The following POLB variants were observed in gnomAD, a reference collection of about 807,000 sequenced individuals.
POLB encodes 5'-dRP lyase.
A neutral mutation model predicts 52.7 loss-of-function variants in POLB; 37 were observed. That is an observed-to-expected ratio of 0.70 (90% CI 0.54 to 0.92). The LOEUF is 0.92. POLB is among the 40% of genes least tolerant of loss of function. The pLI is 0.00. For synonymous variants in POLB, 138 were observed against 131.3 expected, an observed-to-expected ratio of 1.05 and a Z score of -0.35; for missense variants, 313 against 400.8, an observed-to-expected ratio of 0.78 and a Z score of 1.87.
chr8:42,365,253 G>A (rs1823968438), intron 11 of POLB, among the ~76,000 whole-genome samples: 2 of 152,084 alleles, frequency 1.3e-5, no homozygotes, highest in Non-Finnish European at 2.9e-5. Flanking sequence ...GCTTCCAAAC[G>A]AACTTTGGAA....
At chr8:42,355,884 G>A (rs1333540635) in intron 7 of POLB, among the ~76,000 whole-genome samples, 1 of 152,164 alleles carries the variant, frequency 6.6e-6, no homozygotes, top group Non-Finnish European at 1.5e-5. Flanking sequence ...ATTGTACAAA[G>A]CACTACACTA....
intron 9 of POLB, among the ~76,000 whole-genome samples, chr8:42,359,723 G>A (rs886617225): frequency 8.0e-5 from 12 of 150,786 alleles, no homozygotes; most frequent in African/African-American, 2.9e-4. Flanking sequence ...TACTTCATTT[G>A]TTTATCCAGT....
At chr8:42,339,421 G>C (rs1822053178) in intron 2 of POLB, 2 of 285,854 alleles carry the variant, frequency 7.0e-6, no homozygotes. Flanking sequence ...TTTTTCTTTT[G>C]GTTGGTCTAA....
rs564359999 is a variant in POLB, at chr8:42,338,528, C to G, written c.-97C>G. The G allele has an allele frequency of 1.5e-5, 17 of 1,118,414 alleles. No homozygotes were observed. The Admixed American group carries it at 1.6e-4, about 10-fold the overall frequency. The allele number at this position is 1,118,414 out of a possible 1,614,324, so 69.3% of individuals were successfully genotyped here. On this transcript the variant is annotated 5_prime_UTR_variant, in exon 1 of 14. Coordinates refer to ENST00000265421, the MANE Select transcript of POLB (RefSeq NM_002690.3). ...CCGGTCGCGCCGGAGCTGGGTTGCTCCTGCTCCCGTCTCCAAGTCCTGGTA... is the reference window on the plus strand; with the variant it reads ...CCGGTCGCGCCGGAGCTGGGTTGCTGCTGCTCCCGTCTCCAAGTCCTGGTA...
intron 6 of POLB, 53 bp downstream of exon 6, chr8:42,352,621 C>A: frequency 2.0e-6 from 2 of 1,025,116 alleles, no homozygotes; most frequent in South Asian, 1.3e-5. Flanking sequence ...CCTGAAGGAC[C>A]ATTAGTGCTC....
chr8:42,340,048 G>A (rs1822102751), intron 2 of POLB: 1 of 152,122 alleles, frequency 6.6e-6, no homozygotes, highest in South Asian at 2.1e-4. Context: ...AGAAGTCCCA[G>A]TCCTTGCCTG....
In POLB at chr8:42,355,649, C is replaced by T; in HGVS notation, c.422+82C>T. On this transcript the variant is annotated intron_variant, in intron 7 of 13. Transcript: ENST00000265421. ...CATTCTTTTATACACCAGAAGGACTCTTCAAACTTAGCTAAACCACAACCA... is the reference window on the plus strand; with the variant it reads ...CATTCTTTTATACACCAGAAGGACTTTTCAAACTTAGCTAAACCACAACCA... 3.7e-6 allele frequency: 3 copies of T among 806,238 alleles called. No individual in the cohort carries two copies. The South Asian group carries it at 4.4e-5, about 12-fold the overall frequency. The allele number at this position is 806,238 out of a possible 1,614,324, so 49.9% of individuals were successfully genotyped here. A position where few individuals can be genotyped will look rare whatever the true frequency, so the allele number is the denominator to read the frequency against.
chr8:42,371,419 G>T (rs770669946), intron 13 of POLB, 144 bp from the exon 14 acceptor site: 14 of 423,880 alleles, frequency 3.3e-5, no homozygotes, highest in Non-Finnish European at 6.0e-5. Flanking sequence ...TACCACATCC[G>T]CCGGTCTTTT....
intron 10 of POLB, among the ~76,000 whole-genome samples, chr8:42,362,262 AT>A (rs774515126): frequency 0.28 from 40,972 of 147,746 alleles, 9,899 homozygotes; most frequent in African/African-American, 0.66. Context: ...CCATCTAAAA[AT>A]AAAATAAAAT....
chr8:42,355,612 AT>A (rs762381165), intron 7 of POLB, 45 bp downstream of exon 7: 6 of 1,188,920 alleles, frequency 5.0e-6, no homozygotes, highest in Non-Finnish European at 6.3e-6. Flanking sequence ...ATAAAAGTAA[AT>A]TTTTTATAGA....
intron 11 of POLB, among the ~76,000 whole-genome samples, chr8:42,363,356 G>A (rs570515227): frequency 5.3e-5 from 8 of 151,064 alleles, no homozygotes; most frequent in East Asian, 3.9e-4. Context: ...GTGAAACTCC[G>A]TCTCTACTAA....
chr8:42,343,174 TAGCC>T (rs1011439487), intron 2 of POLB, among the ~76,000 whole-genome samples: 1 of 150,978 alleles, frequency 6.6e-6, no homozygotes, highest in Admixed American at 6.6e-5. Flanking sequence ...TGCAAAAAAT[TAGCC>T]AGGCGTGGTG....
intron 7 of POLB, among the ~76,000 whole-genome samples, chr8:42,356,707 G>T (rs1035661093): frequency 9.2e-5 from 14 of 152,142 alleles, no homozygotes; most frequent in African/African-American, 3.4e-4. Context: ...ACAGTATGTG[G>T]TCTTTTGTGA....
chr8:42,348,974 A>G, intron 3 of POLB, 42 bp from the exon 4 acceptor site: 1 of 1,084,698 alleles, frequency 9.2e-7, no homozygotes, highest in South Asian at 1.3e-5. Flanking sequence ...TTTGGTAAGC[A>G]TTATATTCAT....
chr8:42,370,894 G>T (rs754937051), intron 13 of POLB, among the ~76,000 whole-genome samples: 1 of 152,202 alleles, frequency 6.6e-6, no homozygotes, highest in Non-Finnish European at 1.5e-5. Flanking sequence ...GCAGCTGGCG[G>T]GCCATGGTTG....
At chr8:42,365,721 A>G (rs78259936) in intron 11 of POLB, among the ~76,000 whole-genome samples, 3 of 152,278 alleles carry the variant, frequency 2.0e-5, no homozygotes, top group East Asian at 3.9e-4. Flanking sequence ...CTGTTTTTTT[A>G]TAATCTTAAT....
intron 11 of POLB, among the ~76,000 whole-genome samples, chr8:42,365,605 C>T (rs1210965828): frequency 1.3e-5 from 2 of 152,202 alleles, no homozygotes; most frequent in East Asian, 1.9e-4. Context: ...AAATCTTCCT[C>T]AAGTATCATC....
At position 42,338,592 on chromosome 8, in the gene POLB, T is replaced by C. The variant is rs773256437; in HGVS notation, c.-33T>C. On this transcript the variant is annotated 5_prime_UTR_variant, in exon 1 of 14. Coordinates refer to ENST00000265421, the MANE Select transcript of POLB (RefSeq NM_002690.3). ...GGGAGAGGGCTCTAGTCCCTGGTTC[T>C]GAACACTCTGGGGTTCTCGGGTGCA... The C allele has an allele frequency of 4.4e-6, 7 of 1,605,788 alleles. No individual in the cohort carries two copies. In the Admixed American group the frequency reaches 6.7e-5, roughly 15 times the overall value.
intron 2 of POLB, among the ~76,000 whole-genome samples, chr8:42,343,369 T>TATATATATATACACAC (rs761101423): frequency 1.7e-3 from 61 of 36,300 alleles, no homozygotes; most frequent in Middle Eastern, 0.023. Context: ...TATATATATA[T>TATATATATATACACAC]ACACAAAATT....
Sources: allele counts gnomAD v4.1 joint callset (sites outside exome capture counted in the v4.1 genomes callset), GRCh38; gene constraint gnomAD v4.1.1; transcripts MANE v1.5; gene names NCBI Gene and HGNC (gene_info 2026-07-23, HGNC 2026-07-21).